MLLT3: variants seen among roughly 807,000 people sequenced by gnomAD.
MLLT3 encodes the protein protein AF-9.
A neutral mutation model predicts 53.2 loss-of-function variants in MLLT3; 4 were observed. The ratio of observed to expected loss-of-function variants is 0.08; its 90% CI spans 0.04 to 0.17. The LOEUF (loss-of-function observed/expected upper bound fraction) is 0.17, where lower values mean the gene tolerates loss of function less well. Among genes scored for constraint, MLLT3 ranks in the 10% least tolerant of loss-of-function variants. The pLI is 1.00. For synonymous variants in MLLT3, 283 were observed against 230.6 expected (o/e 1.23, Z -2.06); for missense variants, 569 against 684.0 (o/e 0.83, Z 1.87).
chr9:20,546,805 G>T (rs1260783569), intron 2 of MLLT3, among the ~76,000 whole-genome samples: 1 of 152,244 alleles, frequency 6.6e-6, no homozygotes, highest in African/African-American at 2.4e-5. Context: ...AGGGGATCGA[G>T]GCTCTTTGTT....
At chr9:20,484,815 A>G (rs1824764880) in intron 2 of MLLT3, among the ~76,000 whole-genome samples, 1 of 152,182 alleles carries the variant, frequency 6.6e-6, no homozygotes, top group African/African-American at 2.4e-5. Context: ...AAAATAAATC[A>G]TGAACACAAG....
intron 2 of MLLT3, among the ~76,000 whole-genome samples, chr9:20,472,689 A>G (rs556281230): frequency 6.6e-6 from 1 of 152,252 alleles, no homozygotes; most frequent in Non-Finnish European, 1.5e-5. Flanking sequence ...ACAACCAAAG[A>G]AAAAGCTTTT....
intron 2 of MLLT3, among the ~76,000 whole-genome samples, chr9:20,486,132 T>C (rs1241433558): frequency 6.6e-6 from 1 of 152,194 alleles, no homozygotes; most frequent in Non-Finnish European, 1.5e-5. Flanking sequence ...ATAAACATTT[T>C]TTCTATTCTT....
In MLLT3 at chr9:20,470,779, A is replaced by G. The variant is rs189251481; in HGVS notation, c.194-13993T>C. On this transcript the variant is annotated intron_variant, in intron 2 of 10. Coordinates refer to ENST00000380338, the MANE Select transcript of MLLT3 (RefSeq NM_004529.4). ...AAACTGAACAATAGTACTTAACACC[A>G]CAGGAAGAAAATTTTAATATTTTAA... is the stretch of plus-strand genomic sequence containing the variant. Among the ~76,000 whole-genome samples the G allele has an allele frequency of 2.3e-3, 343 of 152,078 alleles. 4 individuals carry two copies. Among genetic ancestry groups the G allele is most frequent in the African/African-American group, 8.1e-3 (336 of 41,550 alleles).
chr9:20,376,656 A>G (rs529373378), intron 5 of MLLT3, among the ~76,000 whole-genome samples: 46 of 152,302 alleles, frequency 3.0e-4, no homozygotes, highest in African/African-American at 1.0e-3. Flanking sequence ...AAATCTCTCC[A>G]TAAGACCCTT....
At chr9:20,381,227 G>A (rs561471929) in intron 5 of MLLT3, among the ~76,000 whole-genome samples, 7 of 151,800 alleles carry the variant, frequency 4.6e-5, no homozygotes, top group African/African-American at 7.2e-5. Flanking sequence ...CAATTTTATC[G>A]GGATTAGCAT....
chr9:20,475,182 G>A (rs1180188421), intron 2 of MLLT3, among the ~76,000 whole-genome samples: 1 of 151,952 alleles, frequency 6.6e-6, no homozygotes, highest in Non-Finnish European at 1.5e-5. Context: ...TATTTGTGAT[G>A]GGATGGCAGC....
In MLLT3 at chr9:20,621,023, G is replaced by A; in HGVS notation, c.13-189C>T. 1 of 734,200 alleles carries A rather than the reference G, an allele frequency of 1.4e-6. No individual in the cohort carries two copies. The highest frequency in any genetic ancestry group is 2.4e-6 in the Non-Finnish European group (1 of 419,250). The allele number at this position is 734,200 out of a possible 1,614,324, so 45.5% of individuals were successfully genotyped here. ...CACCCCCAAATATACCCGCCCGCCC[G>A]GCCCGGCTTGGCCCCAGGCGCCCCG... On this transcript the variant is annotated intron_variant, in intron 1 of 10. Coordinates refer to ENST00000380338, the MANE Select transcript of MLLT3 (RefSeq NM_004529.4). The surrounding 1 kb of genome is among the most constrained non-coding windows in gnomAD (Gnocchi z 7.0).
At chr9:20,458,797 G>T (rs1225603457) in intron 2 of MLLT3, among the ~76,000 whole-genome samples, 1 of 152,178 alleles carries the variant, frequency 6.6e-6, no homozygotes, top group Non-Finnish European at 1.5e-5. Context: ...ATCCTGAATG[G>T]GTAAGCACAG....
intron 2 of MLLT3, among the ~76,000 whole-genome samples, chr9:20,500,060 A>C (rs1427097235): frequency 6.6e-6 from 1 of 152,248 alleles, no homozygotes; most frequent in Middle Eastern, 3.2e-3. Context: ...ATTGATACAT[A>C]ATAAGTCACC....
At chr9:20,390,503 T>C (rs1822154680) in intron 5 of MLLT3, among the ~76,000 whole-genome samples, 2 of 152,238 alleles carry the variant, frequency 1.3e-5, no homozygotes, top group African/African-American at 4.8e-5. Context: ...GAATGCCTAC[T>C]ATGTGTCTAG....
intron 5 of MLLT3, among the ~76,000 whole-genome samples, chr9:20,386,569 C>G (rs1399495372): frequency 6.6e-6 from 1 of 152,184 alleles, no homozygotes; most frequent in African/African-American, 2.4e-5. Context: ...AGCCTATTGA[C>G]AGAAGCTTTC....
intron 2 of MLLT3, among the ~76,000 whole-genome samples, chr9:20,491,236 C>G (rs879656844): frequency 6.6e-6 from 1 of 151,986 alleles, no homozygotes; most frequent in African/African-American, 2.4e-5. Context: ...TCAAAGGCTA[C>G]GTTTTAACAT....
At chr9:20,378,783 G>A (rs16938042) in intron 5 of MLLT3, among the ~76,000 whole-genome samples, 6,111 of 152,112 alleles carry the variant, frequency 0.04, 368 homozygotes, top group African/African-American at 0.13. Context: ...CTCTATCTTA[G>A]TGAAAATGAA....
chr9:20,620,927 G>C lies in MLLT3; in HGVS notation c.13-93C>G. The C allele has an allele frequency of 5.1e-6, 7 of 1,369,972 alleles. No homozygotes were observed. Among genetic ancestry groups the C allele is most frequent in the East Asian group, 2.4e-5 (1 of 41,760 alleles). 84.9% of individuals were successfully genotyped at this position (1,369,972 alleles called of 1,614,324 possible). On this transcript the variant is annotated intron_variant, in intron 1 of 10. Transcript: ENST00000380338. The surrounding 1 kb of genome is among the most constrained non-coding windows in gnomAD (Gnocchi z 6.1). ...GCCTGACATTTTTTTCCTCCTTCTT[G>C]AAACGCACATAAAAGGAAACGGCGG...
intron 4 of MLLT3, among the ~76,000 whole-genome samples, chr9:20,430,560 T>C (rs1026500384): frequency 3.9e-5 from 6 of 152,086 alleles, no homozygotes; most frequent in African/African-American, 9.7e-5. Flanking sequence ...GTTTCCTATA[T>C]AGGAAAACAT....
At chr9:20,482,673 A>G (rs1159428775) in intron 2 of MLLT3, among the ~76,000 whole-genome samples, 2 of 152,372 alleles carry the variant, frequency 1.3e-5, no homozygotes, top group East Asian at 3.9e-4. Flanking sequence ...CAACATTCCA[A>G]TAAGTCCTAA....
chr9:20,456,859 A>G, intron 2 of MLLT3, 73 bp from the exon 3 acceptor site: 1 of 1,194,382 alleles, frequency 8.4e-7, no homozygotes, highest in Non-Finnish European at 1.2e-6. Context: ...TAAAAAAAAA[A>G]ATCCCATTCT....
At chr9:20,347,492 C>T (rs879768392) in intron 10 of MLLT3, among the ~76,000 whole-genome samples, 2 of 152,140 alleles carry the variant, frequency 1.3e-5, no homozygotes, top group Admixed American at 1.3e-4. Flanking sequence ...ATGACGGTTA[C>T]TATTACTCTT....
Sources: gnomAD v4.1 joint callset for allele counts (sites outside exome capture counted in the v4.1 genomes callset) on GRCh38, gnomAD v4.1.1 for gene constraint, Gnocchi (gnomAD v3.1) non-coding constraint, MANE v1.5 for transcripts, NCBI Gene and HGNC (gene_info 2026-07-23, HGNC 2026-07-21) for gene names.